CDK6: variants seen among roughly 807,000 people sequenced by gnomAD.
CDK6 encodes the protein cyclin-dependent kinase 6.
In CDK6, 6 loss-of-function variants were observed where a neutral mutation model predicts 37.1. The ratio of observed to expected loss-of-function variants is 0.16; its 90% CI spans 0.09 to 0.32. The LOEUF is 0.32. CDK6 is among the 10% of genes least tolerant of loss of function. The pLI is 1.00. For synonymous variants in CDK6, 160 were observed against 161.3 expected (o/e 0.99, Z 0.06); for missense variants, 224 against 418.9 (o/e 0.53, Z 4.06).
At chr7:92,798,964 C>T (rs998970985) in intron 2 of CDK6, among the ~76,000 whole-genome samples, 1 of 152,184 alleles carries the variant, frequency 6.6e-6, no homozygotes, top group African/African-American at 2.4e-5. Flanking sequence ...TGTGCCTCTC[C>T]ACAATATGCT....
At chr7:92,723,850 T>C (rs1258208013) in intron 4 of CDK6, among the ~76,000 whole-genome samples, 1 of 148,580 alleles carries the variant, frequency 6.7e-6, no homozygotes, top group Non-Finnish European at 1.5e-5. Flanking sequence ...TTTGAACATA[T>C]CAACTTTCAG....
At chr7:92,625,537 A>AAAC (rs1562914718) in intron 5 of CDK6, among the ~76,000 whole-genome samples, 73 of 150,320 alleles carry the variant, frequency 4.9e-4, no homozygotes, top group Admixed American at 1.1e-3. Flanking sequence ...TTTTGCAAAA[A>AAAC]AAAACAAAAC....
At chr7:92,778,924 C>CATATATATAT (rs145888983) in intron 2 of CDK6, among the ~76,000 whole-genome samples, 35 of 109,020 alleles carry the variant, frequency 3.2e-4, no homozygotes, top group African/African-American at 5.5e-4. Flanking sequence ...TATAGTTTAT[C>CATATATATAT]ATATATATAT....
intron 5 of CDK6, among the ~76,000 whole-genome samples, chr7:92,641,467 C>T (rs889731165): frequency 6.6e-6 from 1 of 152,168 alleles, no homozygotes; most frequent in South Asian, 2.1e-4. Flanking sequence ...AAGCTAAATT[C>T]TGTGCCTTTC....
chr7:92,705,843 T>C (rs1389269099), intron 4 of CDK6, among the ~76,000 whole-genome samples: 2 of 152,166 alleles, frequency 1.3e-5, no homozygotes, highest in Admixed American at 6.5e-5. Flanking sequence ...AAATACAAAT[T>C]TTCCAGAATT....
intron 5 of CDK6, among the ~76,000 whole-genome samples, chr7:92,650,382 T>C (rs1260849446): frequency 1.3e-5 from 2 of 152,202 alleles, no homozygotes; most frequent in African/African-American, 2.4e-5. Context: ...AGAACTGTGT[T>C]TTCTGCAATG....
intron 2 of CDK6, among the ~76,000 whole-genome samples, chr7:92,812,201 A>C (rs1800902851): frequency 6.6e-6 from 1 of 152,146 alleles, no homozygotes; most frequent in South Asian, 2.1e-4. Flanking sequence ...GACATCACTT[A>C]ATATGTGTCC....
At chr7:92,830,546 T>C (rs1194205292) in intron 2 of CDK6, among the ~76,000 whole-genome samples, 2 of 152,184 alleles carry the variant, frequency 1.3e-5, no homozygotes, top group African/African-American at 4.8e-5. Context: ...GACCCAACTT[T>C]GACAACTCTC....
intron 4 of CDK6, among the ~76,000 whole-genome samples, chr7:92,714,845 C>T (rs1215162101): frequency 6.7e-6 from 1 of 149,690 alleles, no homozygotes; most frequent in African/African-American, 2.5e-5. Flanking sequence ...AGCTAGTTTT[C>T]TGGAACTAGG....
At chr7:92,725,528 C>T in intron 4 of CDK6, 98 bp downstream of exon 4, 1 of 1,294,186 alleles carries the variant, frequency 7.7e-7, no homozygotes, top group East Asian at 2.4e-5. Context: ...ACCAACTAGT[C>T]ATGGGCAGTA....
chr7:92,834,152 C>A lies in CDK6; in HGVS notation c.-367-462G>T, dbSNP rs1260470155. Among the ~76,000 whole-genome samples the A allele has an allele frequency of 6.6e-6, 1 of 152,074 alleles. No individual in the cohort carries two copies. Among genetic ancestry groups the A allele is most frequent in the Non-Finnish European group, 1.5e-5 (1 of 68,020 alleles). ...GGGGTGCCGGAGGGCGTTCAGGGGT[C>A]GCGCACAAGCTGGAGCGGAAGGACT... On this transcript the variant is annotated intron_variant, in intron 1 of 7. Coordinates refer to ENST00000424848, the MANE Select transcript of CDK6 (RefSeq NM_001145306.2). This position sits in a 1 kb window ranked among gnomAD's most constrained non-coding sequence, Gnocchi z 4.6.
intron 4 of CDK6, 142 bp downstream of exon 4, chr7:92,725,484 C>T (rs1348039063): frequency 1.9e-6 from 2 of 1,061,080 alleles, no homozygotes; most frequent in Non-Finnish European, 1.3e-6. Context: ...TGCCTACCCA[C>T]TGCCATATAA....
At chr7:92,630,279 A>ATTATGTAT (rs1554396884) in intron 5 of CDK6, among the ~76,000 whole-genome samples, 3 of 146,726 alleles carry the variant, frequency 2.0e-5, no homozygotes, top group African/African-American at 7.6e-5. Context: ...GCCAAATTAC[A>ATTATGTAT]TTATTTATTT....
At chr7:92,779,746 A>T (rs1391423066) in intron 2 of CDK6, among the ~76,000 whole-genome samples, 1 of 152,182 alleles carries the variant, frequency 6.6e-6, no homozygotes, top group African/African-American at 2.4e-5. Context: ...GTCTGACTTA[A>T]ATTATGTCTG....
intron 6 of CDK6, among the ~76,000 whole-genome samples, chr7:92,619,101 G>A (rs1316629842): frequency 6.6e-6 from 1 of 151,986 alleles, no homozygotes; most frequent in Non-Finnish European, 1.5e-5. Context: ...ATAATTTAAA[G>A]TACAAAGCAC....
At chr7:92,742,040 C>CA (rs1647002318) in intron 3 of CDK6, among the ~76,000 whole-genome samples, 1 of 151,940 alleles carries the variant, frequency 6.6e-6, no homozygotes, top group African/African-American at 2.4e-5. Context: ...TGCTGACAGA[C>CA]AATAAAATGA....
intron 5 of CDK6, among the ~76,000 whole-genome samples, chr7:92,654,685 C>T (rs1796650926): frequency 6.6e-6 from 1 of 152,052 alleles, no homozygotes; most frequent in African/African-American, 2.4e-5. Flanking sequence ...GGTAAGACAA[C>T]AGCACTATGG....
At chr7:92,672,242 C>T (rs6956477) in intron 4 of CDK6, among the ~76,000 whole-genome samples, 1,492 of 116,172 alleles carry the variant, frequency 0.013, 7 homozygotes, top group South Asian at 0.045. Context: ...CACACACACA[C>T]ATATATGAAG....
intron 3 of CDK6, among the ~76,000 whole-genome samples, chr7:92,750,984 A>AT: frequency 6.6e-6 from 1 of 152,316 alleles, no homozygotes; most frequent in East Asian, 1.9e-4. Flanking sequence ...TACAGACGTC[A>AT]TATTTGATCA....
Sources: allele counts gnomAD v4.1 joint callset (sites outside exome capture counted in the v4.1 genomes callset), GRCh38; gene constraint gnomAD v4.1.1; non-coding constraint Gnocchi (gnomAD v3.1); transcripts MANE v1.5; gene names NCBI Gene and HGNC (gene_info 2026-07-23, HGNC 2026-07-21).